PNLIPRP3: variants seen among roughly 807,000 people sequenced by gnomAD.
PNLIPRP3 encodes pancreatic lipase-related protein 3.
PNLIPRP3 carries 58 observed loss-of-function variants against 52.8 expected under a neutral mutation model. The ratio of observed to expected loss-of-function variants is 1.10; its 90% CI spans 0.89 to 1.37. The LOEUF is 1.37. Among genes scored for constraint, PNLIPRP3 ranks in the 40% most tolerant of loss-of-function variants. The probability of loss-of-function intolerance (pLI) is 0.00; values close to 1 mark genes in which losing one functional copy is unlikely to be tolerated. For missense variants in PNLIPRP3, 593 were observed against 561.6 expected (o/e 1.06, Z -0.57); for synonymous variants, 192 against 185.0 (o/e 1.04, Z -0.31).
intron 5 of PNLIPRP3, 58 bp downstream of exon 5, chr10:116,455,888 C>A: frequency 8.1e-7 from 1 of 1,227,366 alleles, no homozygotes; most frequent in Non-Finnish European, 1.2e-6. Context: ...ACACACACTA[C>A]CAAGTATCTG....
chr10:116,452,913 A>G (rs2082379), intron 4 of PNLIPRP3, among the ~76,000 whole-genome samples: 151,507 of 152,334 alleles, frequency 0.99, 75,351 homozygotes, highest in Middle Eastern at 1. Flanking sequence ...GAACCCCCAC[A>G]CAGAGTCCCC....
At chr10:116,437,902 G>A (rs1845800283) in intron 2 of PNLIPRP3, among the ~76,000 whole-genome samples, 1 of 152,184 alleles carries the variant, frequency 6.6e-6, no homozygotes, top group Non-Finnish European at 1.5e-5. Context: ...CGTCATCACA[G>A]AAAGGTCCAT....
intron 1 of PNLIPRP3, among the ~76,000 whole-genome samples, chr10:116,432,651 G>A (rs1275020868): frequency 6.6e-6 from 1 of 152,190 alleles, no homozygotes; most frequent in East Asian, 1.9e-4. Context: ...AACCTCAGAT[G>A]TGGATGAAGT....
chr10:116,464,099 A>G (rs535332419), intron 7 of PNLIPRP3, among the ~76,000 whole-genome samples: 1 of 152,342 alleles, frequency 6.6e-6, no homozygotes, highest in South Asian at 2.1e-4. Flanking sequence ...CAATAATCCT[A>G]ACTATTGATG....
intron 8 of PNLIPRP3, among the ~76,000 whole-genome samples, chr10:116,468,400 A>G (rs543438822): frequency 1.8e-4 from 28 of 152,334 alleles, no homozygotes; most frequent in Non-Finnish European, 2.9e-4. Context: ...CTGATTTTCC[A>G]GAAACACTAG....
At chr10:116,469,356 G>A (rs1405391107) in intron 9 of PNLIPRP3, 39 bp downstream of exon 9, 2 of 1,533,338 alleles carry the variant, frequency 1.3e-6, no homozygotes, top group Non-Finnish European at 1.8e-6. Flanking sequence ...ATGCTTTAAG[G>A]TACTTATCTT....
rs1226179527 is a variant in PNLIPRP3, at chr10:116,443,797, GTGTGCATATATA to G, written c.325-583_325-572del. On this transcript the variant is annotated intron_variant, in intron 3 of 11. Coordinates refer to ENST00000369230, the MANE Select transcript of PNLIPRP3 (RefSeq NM_001011709.3). ...TGTGTGTGTGTGTGTATGTATGTGT[GTGTGCATATATA>G]TATATATATATATATATATATATAT... Among the ~76,000 whole-genome samples, 455 of 120,120 alleles carry G rather than the reference GTGTGCATATATA, an allele frequency of 3.8e-3. 17 individuals carry two copies. The highest frequency in any genetic ancestry group is 0.01 in the African/African-American group (290 of 28,624). The allele number at this position is 120,120 out of a possible 152,430, so 78.8% of individuals were successfully genotyped here.
chr10:116,444,552 GT>G (rs754444434), intron 4 of PNLIPRP3, 39 bp downstream of exon 4: 1 of 1,578,636 alleles, frequency 6.3e-7, no homozygotes, highest in South Asian at 1.1e-5. Context: ...TATTGAATTG[GT>G]TTTGGATATT....
At position 116,439,887 on chromosome 10, in the gene PNLIPRP3, G is replaced by A. The variant is rs771112904; in HGVS notation, c.204+3022G>A. On this transcript the variant is annotated intron_variant, in intron 2 of 11. Coordinates refer to ENST00000369230, the MANE Select transcript of PNLIPRP3 (RefSeq NM_001011709.3). The stretch of plus-strand genomic sequence containing the variant: ...CATCAAATTTAGATTTCTCTTTCCC[G>A]GACATTATCTTCCACCTCTCAGAGC... The A allele has an allele frequency of 1.5e-4, 119 of 794,346 alleles. No homozygotes were observed. The East Asian group carries it at 2.0e-3, about 13-fold the overall frequency. 49.2% of individuals were successfully genotyped at this position (794,346 alleles called of 1,614,324 possible). A position where few individuals can be genotyped will look rare whatever the true frequency, so the allele number is the denominator to read the frequency against.
chr10:116,429,629 A>G (rs1319073368), intron 1 of PNLIPRP3, among the ~76,000 whole-genome samples: 1 of 152,176 alleles, frequency 6.6e-6, no homozygotes, highest in African/African-American at 2.4e-5. Flanking sequence ...ATTAGTTTTC[A>G]TATTTCAAGA....
intron 2 of PNLIPRP3, 102 bp from the exon 3 acceptor site, chr10:116,442,953 C>A: frequency 3.4e-6 from 3 of 890,688 alleles, no homozygotes; most frequent in Non-Finnish European, 4.5e-6. Flanking sequence ...TGCTAAAGAT[C>A]AAATTTAGTG....
intron 2 of PNLIPRP3, chr10:116,439,681 A>C: frequency 1.3e-6 from 1 of 767,006 alleles, no homozygotes; most frequent in Non-Finnish European, 2.4e-6. Context: ...CTTTTTTGCC[A>C]CGTCTCCAAT....
intron 7 of PNLIPRP3, among the ~76,000 whole-genome samples, chr10:116,463,471 A>G (rs1435664508): frequency 1.3e-5 from 2 of 152,162 alleles, no homozygotes; most frequent in South Asian, 2.1e-4. Context: ...TAATATTGCA[A>G]CTGGGTTTCA....
At chr10:116,473,948 C>CAAAAAAAAAAAA (rs771490177) in intron 10 of PNLIPRP3, among the ~76,000 whole-genome samples, 2 of 103,278 alleles carry the variant, frequency 1.9e-5, no homozygotes, top group East Asian at 3.5e-4. Context: ...CATATGGAAC[C>CAAAAAAAAAAAA]AAAAAAAAAA....
intron 10 of PNLIPRP3, among the ~76,000 whole-genome samples, chr10:116,475,637 T>C (rs930855187): frequency 5.3e-5 from 8 of 152,248 alleles, no homozygotes; most frequent in African/African-American, 9.6e-5. Flanking sequence ...GCAATATTCA[T>C]TCGTTAATTC....
At position 116,477,205 on chromosome 10, in the gene PNLIPRP3, G is replaced by A. The variant is rs774807261; in HGVS notation, c.*52G>A. The stretch of plus-strand genomic sequence containing the variant: ...TTTAGTAGGAGCAATGAAGAAAAGT[G>A]TCTCCTTCCACCTGGCATCCAGACC... On this transcript the variant is annotated 3_prime_UTR_variant, in exon 12 of 12. Transcript: ENST00000369230. 2.7e-6 allele frequency: 4 copies of A among 1,462,258 alleles called. No homozygotes were observed. The highest frequency in any genetic ancestry group is 3.8e-6 in the Non-Finnish European group (4 of 1,061,372). The allele number at this position is 1,462,258 out of a possible 1,614,324, so 90.6% of individuals were successfully genotyped here. A position where few individuals can be genotyped will look rare whatever the true frequency, so the allele number is the denominator to read the frequency against.
rs372052115 is a variant in PNLIPRP3, at chr10:116,428,007, G to A, written c.-6G>A. 6.2e-7 allele frequency: 1 copy of A among 1,606,540 alleles called. No individual in the cohort carries two copies. Among genetic ancestry groups the A allele is most frequent in the South Asian group, 1.1e-5 (1 of 90,436 alleles). ...GATTTTTATGTGATTTAAAAAATCA[G>A]CTTAGATGCTTGGAATTTGGATTGT... is the stretch of plus-strand genomic sequence containing the variant. On this transcript the variant is annotated 5_prime_UTR_variant, in exon 1 of 12. Transcript: ENST00000369230.
intron 7 of PNLIPRP3, among the ~76,000 whole-genome samples, 155 bp from the exon 8 acceptor site, chr10:116,465,895 T>C (rs567546294): frequency 1.3e-5 from 2 of 152,364 alleles, no homozygotes; most frequent in Non-Finnish European, 1.5e-5. Flanking sequence ...AAATTATATG[T>C]AACTTTGATA....
At chr10:116,465,673 C>T (rs985390801) in intron 7 of PNLIPRP3, among the ~76,000 whole-genome samples, 4 of 152,206 alleles carry the variant, frequency 2.6e-5, no homozygotes, top group African/African-American at 7.2e-5. Flanking sequence ...CTGGCAGCTT[C>T]GTTTTCAGGC....
Sources: allele counts gnomAD v4.1 joint callset (sites outside exome capture counted in the v4.1 genomes callset), GRCh38; gene constraint gnomAD v4.1.1; transcripts MANE v1.5; gene names NCBI Gene and HGNC (gene_info 2026-07-23, HGNC 2026-07-21).